Variants in GRIP1 observed in about 807,000 individuals in gnomAD.
The protein encoded by GRIP1 is glutamate receptor-interacting protein 1.
A neutral mutation model predicts 129.9 loss-of-function variants in GRIP1; 45 were observed. The ratio of observed to expected loss-of-function variants is 0.35; its 90% CI spans 0.27 to 0.44. The LOEUF (loss-of-function observed/expected upper bound fraction) is 0.44. GRIP1 is among the 20% of genes least tolerant of loss of function. The probability of loss-of-function intolerance (pLI) is 1.00; values close to 1 mark genes in which losing one functional copy is unlikely to be tolerated. For synonymous variants in GRIP1, 530 were observed against 520.8 expected, an observed-to-expected ratio of 1.02 and a Z score of -0.24; for missense variants, 1,196 against 1,396.8, an observed-to-expected ratio of 0.86 and a Z score of 2.29.
chr12:66,889,920 G>GT (rs5798842), intron 1 of GRIP1, among the ~76,000 whole-genome samples: 4,138 of 150,400 alleles, frequency 0.028, 81 homozygotes, highest in African/African-American at 0.06. Context: ...CTCAGCTACT[G>GT]TTTTTTTTTG....
intron 9 of GRIP1, among the ~76,000 whole-genome samples, chr12:66,460,845 A>AT (rs1270783864): frequency 6.6e-6 from 1 of 151,958 alleles, no homozygotes. Context: ...CACAATAATA[A>AT]TTTTTTGTTT....
intron 22 of GRIP1, among the ~76,000 whole-genome samples, chr12:66,376,208 C>T (rs911264417): frequency 6.6e-6 from 1 of 152,166 alleles, no homozygotes; most frequent in African/African-American, 2.4e-5. Flanking sequence ...ATTCTCTTTG[C>T]AGATTCACAA....
intron 1 of GRIP1, among the ~76,000 whole-genome samples, chr12:67,010,108 T>C (rs933356105): frequency 1.3e-5 from 2 of 152,152 alleles, no homozygotes; most frequent in Admixed American, 1.3e-4. Context: ...CAAACTCTAA[T>C]TTTCTATAGA....
intron 1 of GRIP1, among the ~76,000 whole-genome samples, chr12:66,729,915 C>A (rs958420125): frequency 2.0e-5 from 3 of 152,204 alleles, no homozygotes; most frequent in Non-Finnish European, 4.4e-5. Context: ...AAGACTCAAG[C>A]TTAATCACTG....
At chr12:66,571,885 AGGGT>A (rs1450923866) in intron 2 of GRIP1, among the ~76,000 whole-genome samples, 1 of 152,188 alleles carries the variant, frequency 6.6e-6, no homozygotes, top group Admixed American at 6.5e-5. Flanking sequence ...GGCATGGCAG[AGGGT>A]GTATTTGAGT....
chr12:67,026,803 T>C (rs545166859), intron 1 of GRIP1, among the ~76,000 whole-genome samples: 52 of 152,350 alleles, frequency 3.4e-4, no homozygotes, highest in African/African-American at 1.2e-3. Flanking sequence ...TTGAATAATA[T>C]AATCTCTTTA....
chr12:66,996,368 T>TA (rs376907985), intron 1 of GRIP1, among the ~76,000 whole-genome samples: 116 of 142,570 alleles, frequency 8.1e-4, no homozygotes, highest in East Asian at 1.0e-3. Context: ...CTTTCACAAT[T>TA]AAAAAAAAAA....
chr12:66,900,335 T>C (rs559545832), intron 1 of GRIP1, among the ~76,000 whole-genome samples: 65 of 152,236 alleles, frequency 4.3e-4, no homozygotes, highest in Admixed American at 9.8e-4. Flanking sequence ...CCCACCCTTA[T>C]AAAAGAGACC....
chr12:66,874,959 AT>A (rs907741230), intron 1 of GRIP1, among the ~76,000 whole-genome samples: 119 of 152,064 alleles, frequency 7.8e-4, no homozygotes, highest in African/African-American at 2.8e-3. Context: ...ATTACATTTC[AT>A]GTATACATAC....
intron 1 of GRIP1, among the ~76,000 whole-genome samples, chr12:66,926,554 G>C (rs1486109847): frequency 6.6e-6 from 1 of 152,208 alleles, no homozygotes; most frequent in African/African-American, 2.4e-5. Context: ...GGTTTTCCCA[G>C]TTATGGAACA....
At chr12:66,881,721 A>AG (rs1019722859) in intron 1 of GRIP1, among the ~76,000 whole-genome samples, 3 of 152,170 alleles carry the variant, frequency 2.0e-5, no homozygotes, top group Admixed American at 1.3e-4. Context: ...TTATCTACCC[A>AG]GGACCCTTGG....
chr12:66,845,459 CAAACA>C (rs1161996284), intron 1 of GRIP1, among the ~76,000 whole-genome samples: 3 of 152,100 alleles, frequency 2.0e-5, no homozygotes, highest in African/African-American at 4.8e-5. Flanking sequence ...TCCTCTGTCT[CAAACA>C]AAACAAAACA....
chr12:66,775,328 A>G (rs949668399), intron 1 of GRIP1, among the ~76,000 whole-genome samples: 6 of 152,228 alleles, frequency 3.9e-5, no homozygotes, highest in African/African-American at 1.4e-4. Context: ...ATACATCTCC[A>G]TAATTTAAAA....
chr12:66,808,280 G>A (rs767357226), upstream of GRIP1, among the ~76,000 whole-genome samples: 2 of 151,950 alleles, frequency 1.3e-5, no homozygotes, highest in Non-Finnish European at 2.9e-5. Flanking sequence ...AATGTTTGTG[G>A]TTTTGTTCTT....
chr12:66,440,710 T>C (rs1281300530), intron 13 of GRIP1, among the ~76,000 whole-genome samples: 1 of 152,148 alleles, frequency 6.6e-6, no homozygotes, highest in Non-Finnish European at 1.5e-5. Context: ...GCCCCAAACA[T>C]GCTCAATCTC....
chr12:66,962,598 C>T (rs969638549), intron 1 of GRIP1, among the ~76,000 whole-genome samples: 17 of 152,062 alleles, frequency 1.1e-4, no homozygotes, highest in Admixed American at 5.9e-4. Context: ...TTAAAGAAGA[C>T]GACAGATAAA....
Position 66,416,100 on chromosome 12 carries a change from G to A in GRIP1, c.1838+4620C>T, listed in dbSNP as rs112353929. On this transcript the variant is annotated intron_variant, in intron 15 of 24. Coordinates refer to ENST00000359742, the MANE Select transcript of GRIP1 (RefSeq NM_001366722.1). Reference sequence around the variant, plus strand: ...TAAAATTTGAAGAAAAAAAAAACACGACGAATTTTGTAAACTATGCAGACA... The same window carrying A: ...TAAAATTTGAAGAAAAAAAAAACACAACGAATTTTGTAAACTATGCAGACA... Among the ~76,000 whole-genome samples the A allele has an allele frequency of 1.5e-4, 23 of 151,848 alleles. 1 individual carries two copies. The highest frequency in any genetic ancestry group is 4.6e-4 in the African/African-American group (19 of 41,466).
intron 1 of GRIP1, among the ~76,000 whole-genome samples, chr12:66,883,596 G>A (rs1389667541): frequency 2.6e-5 from 4 of 152,138 alleles, no homozygotes; most frequent in African/African-American, 9.7e-5. Context: ...GGACCCCCAG[G>A]TTCCTCCTTT....
At chr12:66,858,160 T>C (rs978536712) in intron 1 of GRIP1, among the ~76,000 whole-genome samples, 1 of 152,042 alleles carries the variant, frequency 6.6e-6, no homozygotes, top group African/African-American at 2.4e-5. Flanking sequence ...AAGGAATAGA[T>C]ATTCTCCATA....
Sources: allele counts gnomAD v4.1 joint callset (sites outside exome capture counted in the v4.1 genomes callset), GRCh38; gene constraint gnomAD v4.1.1; transcripts MANE v1.5; gene names NCBI Gene and HGNC (gene_info 2026-07-23, HGNC 2026-07-21).